The following DIS3L2 variants were observed in gnomAD, a reference collection of about 807,000 sequenced individuals.
DIS3L2 encodes DIS3 like 3'-5' exoribonuclease 2, also known as DIS3-like exonuclease 2.
DIS3L2 carries 34 observed loss-of-function variants against 97.5 expected under a neutral mutation model. The ratio of observed to expected loss-of-function variants is 0.35; its 90% CI spans 0.27 to 0.46. The LOEUF is 0.46. Ranked by LOEUF, DIS3L2 falls within the 20% of genes least tolerant of loss-of-function variation. The pLI is 1.00. For missense variants in DIS3L2, 1,038 were observed against 1,146.0 expected (o/e 0.91, Z 1.36); for synonymous variants, 435 against 445.2 (o/e 0.98, Z 0.29).
chr2:232,285,798 T>C (rs989669739), intron 13 of DIS3L2, among the ~76,000 whole-genome samples: 3 of 152,224 alleles, frequency 2.0e-5, no homozygotes, highest in African/African-American at 7.2e-5. Context: ...TCTGGTTGCA[T>C]GTGGAACCTG....
chr2:232,326,647 G>T (rs190017683), intron 14 of DIS3L2, among the ~76,000 whole-genome samples: 1 of 147,820 alleles, frequency 6.8e-6, no homozygotes, highest in East Asian at 1.9e-4. Flanking sequence ...TGTGGTGCTA[G>T]CTCCCTCCTC....
At chr2:232,138,257 A>G (rs1463055994) in intron 8 of DIS3L2, among the ~76,000 whole-genome samples, 1 of 152,132 alleles carries the variant, frequency 6.6e-6, no homozygotes, top group Non-Finnish European at 1.5e-5. Context: ...AAAATACAAC[A>G]AAAAGGGAGT....
intron 6 of DIS3L2, among the ~76,000 whole-genome samples, chr2:232,099,616 A>G (rs1697134483): frequency 6.6e-6 from 1 of 152,234 alleles, no homozygotes; most frequent in African/African-American, 2.4e-5. Flanking sequence ...TGTCTTGGTC[A>G]GTTTCTGAGA....
rs1693978246 is a variant in DIS3L2, at chr2:232,270,872, C to CTCTCTCTCTCTT, written c.1659+7443_1659+7444insTTCTCTCTCTCT. On this transcript the variant is annotated intron_variant, in intron 13 of 20. Coordinates refer to ENST00000325385, the MANE Select transcript of DIS3L2 (RefSeq NM_152383.5). ...CTCTCTTTTTCTCGTCTCTCTCTCT[C>CTCTCTCTCTCTT]TCTCTCTCTCTCTCTCTCTCTCTCT... 3.3e-5 allele frequency among the ~76,000 whole-genome samples: 3 copies of CTCTCTCTCTCTT among 91,262 alleles called. No homozygotes were observed. The East Asian group carries it at 7.1e-4, about 22-fold the overall frequency. The allele number at this position is 91,262 out of a possible 152,430, so 59.9% of individuals were successfully genotyped here.
intron 4 of DIS3L2, among the ~76,000 whole-genome samples, chr2:232,028,640 A>G (rs1042973868): frequency 3.3e-5 from 5 of 152,160 alleles, no homozygotes; most frequent in African/African-American, 1.2e-4. Context: ...GTGACCTCCA[A>G]ACAGCCCATT....
intron 5 of DIS3L2, among the ~76,000 whole-genome samples, chr2:232,077,955 C>CCCTTTCTTTCTTTCTT (rs1315257446): frequency 2.8e-5 from 3 of 108,772 alleles, no homozygotes; most frequent in Admixed American, 1.1e-4. Flanking sequence ...TTCTTTCTTT[C>CCCTTTCTTTCTTTCTT]TCTTTCTTTC....
intron 1 of DIS3L2, among the ~76,000 whole-genome samples, chr2:231,994,224 C>G (rs1260706120): frequency 1.3e-5 from 2 of 151,934 alleles, no homozygotes; most frequent in Non-Finnish European, 2.9e-5. Flanking sequence ...TGGGATCTCT[C>G]TGTTGTTCCA....
chr2:232,245,462 T>C (rs1693223090), intron 11 of DIS3L2, among the ~76,000 whole-genome samples: 1 of 152,248 alleles, frequency 6.6e-6, no homozygotes, highest in South Asian at 2.1e-4. Flanking sequence ...GCCCCATTTA[T>C]GAGAGGCTGT....
At chr2:231,986,080 C>T (rs941111787) in intron 1 of DIS3L2, among the ~76,000 whole-genome samples, 3 of 152,190 alleles carry the variant, frequency 2.0e-5, no homozygotes, top group Admixed American at 1.3e-4. Context: ...TGGGTTCTTC[C>T]GCCTTTGCAC....
chr2:232,099,913 A>G (rs1697143995), intron 6 of DIS3L2, among the ~76,000 whole-genome samples: 1 of 151,398 alleles, frequency 6.6e-6, no homozygotes, highest in Non-Finnish European at 1.5e-5. Context: ...GTACTTTTGT[A>G]TTCCTTTTCA....
intron 13 of DIS3L2, among the ~76,000 whole-genome samples, chr2:232,296,449 T>C (rs1441594353): frequency 6.6e-6 from 1 of 152,244 alleles, no homozygotes; most frequent in African/African-American, 2.4e-5. Flanking sequence ...TGATATGGTT[T>C]GGCTCTGTGT....
intron 8 of DIS3L2, among the ~76,000 whole-genome samples, chr2:232,149,203 T>TC: frequency 6.6e-6 from 1 of 151,886 alleles, no homozygotes; most frequent in African/African-American, 2.4e-5. Flanking sequence ...GTTTTTTTTT[T>TC]TTTTTTATTA....
intron 17 of DIS3L2, 68 bp downstream of exon 17, chr2:232,334,055 G>T (rs1695858326): frequency 3.9e-6 from 6 of 1,544,148 alleles, no homozygotes; most frequent in Non-Finnish European, 5.2e-6. Flanking sequence ...CACAGTGGGT[G>T]CTCAGTGGCC....
intron 10 of DIS3L2, among the ~76,000 whole-genome samples, chr2:232,210,839 G>A (rs1692169173): frequency 6.7e-6 from 1 of 149,746 alleles, no homozygotes; most frequent in African/African-American, 2.5e-5. Context: ...GCTTCTCGGT[G>A]GGTAGCAGGA....
chr2:232,078,004 TCTTTCTTTCTTTC>T (rs1168069705), intron 5 of DIS3L2, among the ~76,000 whole-genome samples: 6 of 140,642 alleles, frequency 4.3e-5, no homozygotes, highest in Non-Finnish European at 9.1e-5. Flanking sequence ...TTTCTTTCTT[TCTTTCTTTCTTTC>T]TTTTTCTCTT....
At chr2:232,223,910 A>G (rs1692572392) in intron 10 of DIS3L2, among the ~76,000 whole-genome samples, 1 of 152,204 alleles carries the variant, frequency 6.6e-6, no homozygotes, top group South Asian at 2.1e-4. Context: ...CAACATGGTG[A>G]AACCCCATCT....
intron 10 of DIS3L2, among the ~76,000 whole-genome samples, chr2:232,221,297 T>G (rs1375214250): frequency 6.6e-6 from 1 of 151,942 alleles, no homozygotes; most frequent in Non-Finnish European, 1.5e-5. Flanking sequence ...ATGTAGATCT[T>G]ATTTTTAAGC....
At chr2:232,324,587 T>A (rs188459859) in intron 14 of DIS3L2, among the ~76,000 whole-genome samples, 150 of 152,238 alleles carry the variant, frequency 9.9e-4, no homozygotes, top group Non-Finnish European at 1.9e-3. Context: ...TGTCAGCACT[T>A]TATCAGGTGC....
chr2:231,978,771 T>G (rs995305341), intron 1 of DIS3L2: 1 of 152,230 alleles, frequency 6.6e-6, no homozygotes, highest in Admixed American at 6.5e-5. Flanking sequence ...GGCCCAGTGC[T>G]TCTTTACCTT....
Sources: allele counts gnomAD v4.1 joint callset (sites outside exome capture counted in the v4.1 genomes callset), GRCh38; gene constraint gnomAD v4.1.1; transcripts MANE v1.5; gene names NCBI Gene and HGNC (gene_info 2026-07-23, HGNC 2026-07-21).